SERF2: variants seen among roughly 807,000 people sequenced by gnomAD.
The protein encoded by SERF2 is gastric cancer-related protein VRG107.
A neutral mutation model predicts 10.7 loss-of-function variants in SERF2; 4 were observed. That is an observed-to-expected ratio of 0.37 (90% CI 0.18 to 0.86). The LOEUF (loss-of-function observed/expected upper bound fraction) is 0.86, where lower values mean the gene tolerates loss of function less well. Among genes scored for constraint, SERF2 ranks in the 40% least tolerant of loss-of-function variants. The pLI is 0.43. For missense variants in SERF2, 47 were observed against 79.1 expected, an observed-to-expected ratio of 0.59 and a Z score of 1.54; for synonymous variants, 26 against 26.0, an observed-to-expected ratio of 1.00 and a Z score of 0.01.
intron 1 of SERF2, among the ~76,000 whole-genome samples, chr15:43,783,392 G>T (rs1275825793): frequency 1.3e-5 from 2 of 151,586 alleles, no homozygotes; most frequent in Non-Finnish European, 2.9e-5. Flanking sequence ...CTGCCTTCTG[G>T]GTTCAAGCAA....
chr15:43,784,049 C>T (rs1421725794), intron 1 of SERF2, among the ~76,000 whole-genome samples: 1 of 144,466 alleles, frequency 6.9e-6, no homozygotes, highest in Non-Finnish European at 1.5e-5. Flanking sequence ...TCCCAAAGTG[C>T]TGGGATTACA....
upstream of SERF2, among the ~76,000 whole-genome samples, chr15:43,787,417 G>A (rs2087017014): frequency 6.6e-6 from 1 of 152,108 alleles, no homozygotes. Flanking sequence ...TATTTTTTGA[G>A]ACAGAGTTTC....
rs2087185677 is a variant in SERF2 at position 43,795,373 on chromosome 15, C to G, written c.*1600C>G. The G allele has an allele frequency of 6.2e-7, 1 of 1,613,798 alleles. No individual in the cohort carries two copies. Among genetic ancestry groups the G allele is most frequent in the Non-Finnish European group, 8.5e-7 (1 of 1,179,722 alleles). The stretch of plus-strand genomic sequence containing the variant: ...TAGCTCTTCAGGAGAGTATCTAAGG[C>G]CCACTCCATCTTACCTGAACCAGTT... On this transcript the variant is annotated 3_prime_UTR_variant, in exon 3 of 3. Transcript: ENST00000249786.
rs372519705 is a variant in SERF2, at chr15:43,795,735, T to A, written c.*1962T>A. The A allele has an allele frequency of 3.1e-6, 5 of 1,613,832 alleles. No homozygotes were observed. The highest frequency in any genetic ancestry group is 4.2e-6 in the Non-Finnish European group (5 of 1,179,938). On this transcript the variant is annotated 3_prime_UTR_variant, in exon 3 of 3. Transcript: ENST00000249786. ...AGGGCAGCAGAAACACAGTGAGGGC[T>A]TCTGCAAAACAGAACGCAGGTTTTG...
chr15:43,795,089 A>T lies in SERF2; in HGVS notation c.*1316A>T. 1.9e-6 allele frequency: 3 copies of T among 1,613,824 alleles called. No homozygotes were observed. Reference sequence around the variant, plus strand: ...GGCTGGGGTTTCTGGGTGGGGGGCCAACAGAGTGGTGCCAGTAACAGCCCC... The same window carrying T: ...GGCTGGGGTTTCTGGGTGGGGGGCCTACAGAGTGGTGCCAGTAACAGCCCC... On this transcript the variant is annotated 3_prime_UTR_variant, in exon 3 of 3. Coordinates refer to ENST00000249786, the MANE Select transcript of SERF2 (RefSeq NM_001018108.4).
chr15:43,795,321 C>T lies in SERF2; in HGVS notation c.*1548C>T. On this transcript the variant is annotated 3_prime_UTR_variant, in exon 3 of 3. Coordinates refer to ENST00000249786, the MANE Select transcript of SERF2 (RefSeq NM_001018108.4). ...CAGACCCATGTGTGTCTGGAATGGC[C>T]TTGAATTGCTCTTTCCTTAAAATAG... is the stretch of plus-strand genomic sequence containing the variant. 6.2e-7 allele frequency: 1 copy of T among 1,603,770 alleles called. No homozygotes were observed. The highest frequency in any genetic ancestry group is 8.5e-7 in the Non-Finnish European group (1 of 1,171,326).
In SERF2 at chr15:43,794,410, G is replaced by A. The variant is rs953369983; in HGVS notation, c.*637G>A. On this transcript the variant is annotated 3_prime_UTR_variant, in exon 3 of 3. Transcript: ENST00000249786. ...GCTTGAAAGTTGGCCAAAAAATCCTGCTGCTCACCGACTTCCCGTGGTCAG... is the reference window on the plus strand; with the variant it reads ...GCTTGAAAGTTGGCCAAAAAATCCTACTGCTCACCGACTTCCCGTGGTCAG... 2.4e-5 allele frequency: 4 copies of A among 163,698 alleles called. No individual in the cohort carries two copies. Among genetic ancestry groups the A allele is most frequent in the African/African-American group, 9.6e-5 (4 of 41,758 alleles). 10.1% of individuals were successfully genotyped at this position (163,698 alleles called of 1,614,324 possible).
chr15:43,782,914 G>A (rs2086975624), intron 1 of SERF2, among the ~76,000 whole-genome samples: 2 of 150,596 alleles, frequency 1.3e-5, no homozygotes, highest in African/African-American at 2.4e-5. Context: ...GCGTGATCTC[G>A]GCTCACTGCA....
intron 1 of SERF2, 109 bp downstream of exon 1, chr15:43,792,492 C>T: frequency 6.3e-7 from 1 of 1,593,292 alleles, no homozygotes; most frequent in Non-Finnish European, 8.6e-7. Context: ...AGGCGTTTCT[C>T]TGGGCGCGCT....
intron 2 of SERF2, 145 bp downstream of exon 2, chr15:43,793,228 T>C: frequency 1.7e-6 from 1 of 604,002 alleles, no homozygotes; most frequent in Non-Finnish European, 3.0e-6. Flanking sequence ...TTTTATTTCC[T>C]CCCCACCCTC....
chr15:43,778,703 C>T (rs969291474), intron 1 of SERF2, among the ~76,000 whole-genome samples: 3 of 150,538 alleles, frequency 2.0e-5, no homozygotes, highest in Non-Finnish European at 4.4e-5. Flanking sequence ...AGTTCGAGAC[C>T]ACCCAGGGCA....
In SERF2 at chr15:43,795,893, T is replaced by G; in HGVS notation, c.*2120T>G. 2.8e-6 allele frequency: 2 copies of G among 721,186 alleles called. No homozygotes were observed. Among genetic ancestry groups the G allele is most frequent in the South Asian group, 3.8e-5 (2 of 53,134 alleles). 44.7% of individuals were successfully genotyped at this position (721,186 alleles called of 1,614,324 possible). On this transcript the variant is annotated 3_prime_UTR_variant, in exon 3 of 3. Coordinates refer to ENST00000249786, the MANE Select transcript of SERF2 (RefSeq NM_001018108.4). ...AGCATATAAGTGGCTGTGCAGACTT[T>G]GGTAAGATGTTTAATCTTTTGTGCC...
At position 43,794,531 on chromosome 15, in the gene SERF2, A is replaced by C. The variant is rs954924708; in HGVS notation, c.*758A>C. 1.2e-5 allele frequency: 2 copies of C among 161,230 alleles called. No homozygotes were observed. Among genetic ancestry groups the C allele is most frequent in the Admixed American group, 1.2e-4 (2 of 16,186 alleles). The allele number at this position is 161,230 out of a possible 1,614,324, so 10.0% of individuals were successfully genotyped here. On this transcript the variant is annotated 3_prime_UTR_variant, in exon 3 of 3. Coordinates refer to ENST00000249786, the MANE Select transcript of SERF2 (RefSeq NM_001018108.4). ...CCTTGACCTCAAAATCAGGATTAAAACCTGGGGTAGCCTCTGTGCTCCTTT... is the reference window on the plus strand; with the variant it reads ...CCTTGACCTCAAAATCAGGATTAAACCCTGGGGTAGCCTCTGTGCTCCTTT...
intron 1 of SERF2, among the ~76,000 whole-genome samples, chr15:43,778,687 C>A (rs2086942483): frequency 6.8e-6 from 1 of 147,644 alleles, no homozygotes; most frequent in African/African-American, 2.5e-5. Flanking sequence ...ATTACCTGAG[C>A]TCAGGAGTTC....
chr15:43,790,699 G>A (rs185564296), upstream of SERF2, among the ~76,000 whole-genome samples: 474 of 152,206 alleles, frequency 3.1e-3, 1 homozygote, highest in Middle Eastern at 0.01. Context: ...AACACAGGAA[G>A]CAGAGGTTGC....
intron 2 of SERF2, chr15:43,793,418 C>T (rs1359859370): frequency 2.7e-5 from 19 of 716,868 alleles, no homozygotes; most frequent in Non-Finnish European, 4.0e-5. Context: ...GGTTCTCCTC[C>T]CTTCTCCCAA....
rs11858342 is a variant in SERF2, at chr15:43,778,280, T to C, written c.-527+778T>C. 5.6e-3 allele frequency among the ~76,000 whole-genome samples: 852 copies of C among 152,088 alleles called. 5 individuals carry two copies. Among genetic ancestry groups the C allele is most frequent in the Non-Finnish European group, 9.5e-3 (643 of 67,982 alleles). On this transcript the variant is annotated intron_variant, in intron 1 of 4. Transcript: ENST00000381359. ...GCCCGGCTAATACACATAAAATTTG[T>C]ATGTAAATTATACTTCAATAAAGTT...
rs1326260831 is a variant in SERF2 at position 43,792,371 on chromosome 15, G to A, written c.-6G>A. 5.6e-6 allele frequency: 9 copies of A among 1,612,184 alleles called. No individual in the cohort carries two copies. The highest frequency in any genetic ancestry group is 7.6e-6 in the Non-Finnish European group (9 of 1,178,358). On this transcript the variant is annotated 5_prime_UTR_variant, in exon 1 of 3. Transcript: ENST00000249786. ...ACGGAGGCAGGTTGGAGCCGCTGCCGTCGCCATGACCCGTGAGCACCGAGC... is the reference window on the plus strand; with the variant it reads ...ACGGAGGCAGGTTGGAGCCGCTGCCATCGCCATGACCCGTGAGCACCGAGC...
In SERF2 at chr15:43,777,128, T is replaced by G. The variant is rs1203938940; in HGVS notation, c.-901T>G. 10 of 729,312 alleles carry G rather than the reference T, an allele frequency of 1.4e-5. No homozygotes were observed. The African/African-American group carries it at 1.6e-4, about 11-fold the overall frequency. 45.2% of individuals were successfully genotyped at this position (729,312 alleles called of 1,614,324 possible). A position where few individuals can be genotyped will look rare whatever the true frequency, so the allele number is the denominator to read the frequency against. ...CAACCGCCCGGACCTCGGCGCTTTC[T>G]TCTAGGATCCGCATGAATCGCTTTG... On this transcript the variant is annotated 5_prime_UTR_variant, in exon 1 of 5. Coordinates refer to the SERF2 transcript ENST00000381359.
Sources: allele counts gnomAD v4.1 joint callset (sites outside exome capture counted in the v4.1 genomes callset), GRCh38; gene constraint gnomAD v4.1.1; transcripts MANE v1.5; gene names NCBI Gene and HGNC (gene_info 2026-07-23, HGNC 2026-07-21).